Variants in FAM78B observed in about 807,000 individuals in gnomAD.
The protein encoded by FAM78B is family with sequence similarity 78 member B.
Under a neutral mutation model 20.0 loss-of-function variants are expected in FAM78B, and 10 were observed. The observed-to-expected ratio is 0.50, with a 90% CI of 0.31 to 0.85. The LOEUF (loss-of-function observed/expected upper bound fraction) is 0.85, where lower values mean the gene tolerates loss of function less well. Ranked by LOEUF, FAM78B falls within the 40% of genes least tolerant of loss-of-function variation. The pLI, the probability that FAM78B is intolerant of heterozygous loss-of-function variation, is 0.05. For synonymous variants in FAM78B, 135 were observed against 132.8 expected (o/e 1.02, Z -0.12); for missense variants, 283 against 345.0 (o/e 0.82, Z 1.42).
chr1:166,158,504 T>C (rs1383860603), intron 1 of FAM78B, among the ~76,000 whole-genome samples: 1 of 152,204 alleles, frequency 6.6e-6, no homozygotes, highest in Non-Finnish European at 1.5e-5. Flanking sequence ...AATGAGGCCA[T>C]GCATGGAAAG....
chr1:166,096,585 C>G (rs1653283151), intron 1 of FAM78B, among the ~76,000 whole-genome samples: 1 of 152,216 alleles, frequency 6.6e-6, no homozygotes, highest in Non-Finnish European at 1.5e-5. Flanking sequence ...GGGCGAGTCA[C>G]TTGACTGCTT....
intron 1 of FAM78B, among the ~76,000 whole-genome samples, chr1:166,078,998 CAT>C (rs1158328991): frequency 1.3e-5 from 2 of 149,372 alleles, no homozygotes; most frequent in Non-Finnish European, 3.0e-5. Flanking sequence ...GTGGCACAAT[CAT>C]AGCTCACTGC....
At chr1:166,157,036 A>T (rs138703070) in intron 1 of FAM78B, among the ~76,000 whole-genome samples, 65 of 942 alleles carry the variant, frequency 0.069, 3 homozygotes, top group African/African-American at 0.078. Flanking sequence ...GGGGCGGCGG[A>T]GGGGGGGGGG....
intron 1 of FAM78B, among the ~76,000 whole-genome samples, chr1:166,143,602 G>A (rs980494888): frequency 6.6e-6 from 1 of 152,058 alleles, no homozygotes; most frequent in Non-Finnish European, 1.5e-5. Flanking sequence ...TTGCCTACTC[G>A]GGCTGTGGTG....
chr1:166,078,934 T>C (rs1176170916), intron 1 of FAM78B, among the ~76,000 whole-genome samples: 2 of 150,628 alleles, frequency 1.3e-5, no homozygotes, highest in African/African-American at 4.9e-5. Flanking sequence ...CATGTTTTTT[T>C]TTTTTTTTTT....
chr1:166,070,053 G>T lies in FAM78B; in HGVS notation c.*188C>A. 1 of 1,264,644 alleles carries T rather than the reference G, an allele frequency of 7.9e-7. No individual in the cohort carries two copies. Among genetic ancestry groups the T allele is most frequent in the African/African-American group, 1.5e-5 (1 of 65,912 alleles). 78.3% of individuals were successfully genotyped at this position (1,264,644 alleles called of 1,614,324 possible). ...TGATTTCTTTATTCCTAAGAGGAAG[G>T]GATTTTTCCTAAGGATTATGGTTCT... On this transcript the variant is annotated 3_prime_UTR_variant, in exon 2 of 2. Transcript: ENST00000354422.
exon 3 of FAM78B, chr1:166,059,247 C>G (rs1046628305): frequency 1.3e-5 from 2 of 152,720 alleles, no homozygotes; most frequent in African/African-American, 4.8e-5. Context: ...TGCCCCCTCT[C>G]CAGGGATCTG....
chr1:166,141,518 A>G (rs1295727992), intron 1 of FAM78B, among the ~76,000 whole-genome samples: 1 of 152,202 alleles, frequency 6.6e-6, no homozygotes, highest in Non-Finnish European at 1.5e-5. Context: ...ATTGTAACTG[A>G]GTGTTTACTA....
chr1:166,070,418 C>A lies in FAM78B; in HGVS notation c.609G>T (p.Gln203His). ...CCAGCCGGGCCCGCTGCCCCAAGAG[C>A]TGAAGAGGGTCCACTTCAATGTCCA... ...MRVDIEVDPL[Q>H]LLGQRARLVG... is the part of the protein sequence containing the mutation. Residue 203 changes from glutamine to histidine, a missense_variant, in exon 2 of 2, where the codon CAG (glutamine) becomes CAT (histidine). Coordinates refer to ENST00000354422, the MANE Select transcript of FAM78B (RefSeq NM_001017961.5). 1 of 1,614,216 alleles carries A rather than the reference C, an allele frequency of 6.2e-7. No homozygotes were observed. Among genetic ancestry groups the A allele is most frequent in the Non-Finnish European group, 8.5e-7 (1 of 1,180,036 alleles).
At chr1:166,059,161 G>A (rs1651472420) in exon 3 of FAM78B, 1 of 152,676 alleles carries the variant, frequency 6.5e-6, no homozygotes, top group Non-Finnish European at 1.5e-5. Context: ...TCTGCTCCTA[G>A]AAAAGCTGGA....
At chr1:166,067,293 C>T (rs189481661), downstream of FAM78B, among the ~76,000 whole-genome samples, 241 of 152,138 alleles carry the variant, frequency 1.6e-3, 1 homozygote, top group African/African-American at 5.3e-3. Flanking sequence ...CAAATTCCTT[C>T]GGGATCATGG....
intron 1 of FAM78B, among the ~76,000 whole-genome samples, chr1:166,092,747 T>G (rs1292960848): frequency 1.3e-5 from 2 of 152,174 alleles, no homozygotes; most frequent in African/African-American, 4.8e-5. Context: ...CCAAACATAC[T>G]CTTTAAATTT....
At chr1:166,108,723 A>G (rs1653881845) in intron 1 of FAM78B, among the ~76,000 whole-genome samples, 1 of 152,214 alleles carries the variant, frequency 6.6e-6, no homozygotes, top group Non-Finnish European at 1.5e-5. Context: ...AGCAAAAAGA[A>G]CAAATCTGGA....
chr1:166,131,321 A>G (rs1023947887), intron 1 of FAM78B, among the ~76,000 whole-genome samples: 7 of 152,062 alleles, frequency 4.6e-5, no homozygotes, highest in African/African-American at 1.2e-4. Flanking sequence ...GTGCTTTTTA[A>G]TAGTGTCTCC....
chr1:166,116,555 C>A (rs1329556925), intron 1 of FAM78B, among the ~76,000 whole-genome samples: 2 of 152,200 alleles, frequency 1.3e-5, no homozygotes, highest in Non-Finnish European at 2.9e-5. Flanking sequence ...AATCAAACAA[C>A]CCCCAACAAC....
At chr1:166,148,252 A>G (rs1402180622) in intron 1 of FAM78B, among the ~76,000 whole-genome samples, 1 of 152,252 alleles carries the variant, frequency 6.6e-6, no homozygotes, top group Non-Finnish European at 1.5e-5. Flanking sequence ...GTAATTTGGC[A>G]AGAGCGATTG....
chr1:166,155,666 C>T (rs551366626), intron 1 of FAM78B, among the ~76,000 whole-genome samples: 128 of 152,236 alleles, frequency 8.4e-4, no homozygotes, highest in South Asian at 2.1e-3. Flanking sequence ...GAAGATGGTT[C>T]GTGGAAGCTT....
chr1:166,092,676 G>A (rs761912533), intron 1 of FAM78B, among the ~76,000 whole-genome samples: 8 of 152,114 alleles, frequency 5.3e-5, no homozygotes, highest in Non-Finnish European at 7.3e-5. Flanking sequence ...ACCCGAGGGC[G>A]TGGGCTCCCC....
chr1:166,105,590 C>A lies in FAM78B; in HGVS notation c.264-34827G>T, dbSNP rs574568520. On this transcript the variant is annotated intron_variant, in intron 1 of 1. Transcript: ENST00000354422. The stretch of plus-strand genomic sequence containing the variant: ...CAAAAGAAGACATGTATGCAGCCAA[C>A]AGACACATGAAAAAATGCTCATCAT... Among the ~76,000 whole-genome samples, 9 of 152,300 alleles carry A rather than the reference C, an allele frequency of 5.9e-5. No homozygotes were observed. In the East Asian group the frequency reaches 1.2e-3, roughly 20 times the overall value.
Sources: allele counts gnomAD v4.1 joint callset (sites outside exome capture counted in the v4.1 genomes callset), GRCh38; gene constraint gnomAD v4.1.1; transcripts MANE v1.5; gene names NCBI Gene and HGNC (gene_info 2026-07-23, HGNC 2026-07-21).